The following RNF169 variants were observed in gnomAD, a reference collection of about 807,000 sequenced individuals.
RNF169 encodes ring finger protein 169.
RNF169 carries 24 observed loss-of-function variants against 53.9 expected under a neutral mutation model. The observed-to-expected ratio is 0.45, with a 90% CI of 0.32 to 0.63. RNF169 has a LOEUF of 0.63. Ranked by LOEUF, RNF169 falls within the 20% of genes least tolerant of loss-of-function variation. The pLI is 0.04. For missense variants in RNF169, 883 were observed against 906.2 expected, an observed-to-expected ratio of 0.97 and a Z score of 0.33; for synonymous variants, 396 against 363.5, an observed-to-expected ratio of 1.09 and a Z score of -1.02.
chr11:74,748,940 TCGGCGGGGC>T lies in RNF169; in HGVS notation c.72_80del (p.Arg25_Arg27del), dbSNP rs760743694. The T allele has an allele frequency of 4.9e-5, 72 of 1,470,906 alleles. No individual in the cohort carries two copies. The highest frequency in any genetic ancestry group is 1.0e-4 in the South Asian group (8 of 76,344). 91.1% of individuals were successfully genotyped at this position (1,470,906 alleles called of 1,614,324 possible). A position where few individuals can be genotyped will look rare whatever the true frequency, so the allele number is the denominator to read the frequency against. ...CCGCGGCGGCAGCAGCCGCTCTGAG[TCGGCGGGGC>T]CGGCGGGGCCGCTGTGACGAGACGG... On this transcript the variant is annotated inframe_deletion, in exon 1 of 6. Coordinates refer to ENST00000299563, the MANE Select transcript of RNF169 (RefSeq NM_001098638.2).
intron 1 of RNF169, among the ~76,000 whole-genome samples, chr11:74,754,290 CA>C (rs2034946149): frequency 2.0e-5 from 3 of 152,274 alleles, no homozygotes; most frequent in Admixed American, 2.0e-4. Context: ...CACACTTAAG[CA>C]TCATTTAAAA....
At chr11:74,773,191 G>GGAT (rs1446353601) in intron 1 of RNF169, among the ~76,000 whole-genome samples, 1 of 152,112 alleles carries the variant, frequency 6.6e-6, no homozygotes, top group Non-Finnish European at 1.5e-5. Flanking sequence ...ACCTGGGGTA[G>GGAT]GATTGGCCTG....
rs2036312104 is a variant in RNF169, at chr11:74,839,492, C to T, written c.*2762C>T. 6.6e-6 allele frequency: 1 copy of T among 152,148 alleles called. No individual in the cohort carries two copies. The highest frequency in any genetic ancestry group is 1.5e-5 in the Non-Finnish European group (1 of 68,016). The allele number at this position is 152,148 out of a possible 1,614,324, so 9.4% of individuals were successfully genotyped here. A position where few individuals can be genotyped will look rare whatever the true frequency, so the allele number is the denominator to read the frequency against. On this transcript the variant is annotated 3_prime_UTR_variant, in exon 6 of 6. Transcript: ENST00000299563. ...GAAAAGGACAAGGAAGGAAACAGAA[C>T]GATGGGAAGGGTTTGTGAGCTAGAA... is the stretch of plus-strand genomic sequence containing the variant.
intron 1 of RNF169, among the ~76,000 whole-genome samples, chr11:74,785,157 T>TTA (rs555175423): frequency 4.2e-4 from 57 of 136,348 alleles, no homozygotes; most frequent in East Asian, 2.4e-3. Flanking sequence ...ACATGTATTT[T>TTA]TATATATATA....
At chr11:74,785,173 GA>G (rs1565176435) in intron 1 of RNF169, among the ~76,000 whole-genome samples, 111 of 62,758 alleles carry the variant, frequency 1.8e-3, no homozygotes, top group African/African-American at 0.017. Flanking sequence ...ATATATATAT[GA>G]TATATATATA....
chr11:74,822,315 T>C (rs1321521631), intron 4 of RNF169, among the ~76,000 whole-genome samples: 3 of 152,200 alleles, frequency 2.0e-5, no homozygotes, highest in Non-Finnish European at 4.4e-5. Context: ...TCTTCTAGCT[T>C]TCCAGCTGCA....
intron 5 of RNF169, among the ~76,000 whole-genome samples, chr11:74,835,217 C>T (rs2036235488): frequency 6.6e-6 from 1 of 152,144 alleles, no homozygotes; most frequent in African/African-American, 2.4e-5. Context: ...AGTAATACAC[C>T]TGTCTCAGCT....
chr11:74,771,129 T>C (rs2035254198), intron 1 of RNF169, among the ~76,000 whole-genome samples: 1 of 152,090 alleles, frequency 6.6e-6, no homozygotes, highest in Non-Finnish European at 1.5e-5. Flanking sequence ...TTTTGATACT[T>C]AGTCATACTA....
Position 74,836,500 on chromosome 11 carries a change from C to A in RNF169, c.1897C>A (p.Gln633Lys), listed in dbSNP as rs2036259353. The stretch of plus-strand genomic sequence containing the variant: ...ACACTGCAAGACCAAGCACTTAGAA[C>A]AAAATGGCTCCCTTAAAAAACTGCG... ...KRHCKTKHLE[Q>K]NGSLKKLRQT... is the part of the protein sequence containing the mutation. The change falls in exon 6 of 6, where the codon CAA becomes AAA. Residue 633 changes from glutamine to lysine, a missense_variant. Coordinates refer to ENST00000299563, the MANE Select transcript of RNF169 (RefSeq NM_001098638.2). The A allele has an allele frequency of 1.1e-5, 18 of 1,614,182 alleles. No individual in the cohort carries two copies. The highest frequency in any genetic ancestry group is 1.5e-5 in the Non-Finnish European group (18 of 1,180,050).
chr11:74,824,432 G>C (rs1259205746), intron 4 of RNF169, among the ~76,000 whole-genome samples: 3 of 152,098 alleles, frequency 2.0e-5, no homozygotes, highest in Admixed American at 2.0e-4. Flanking sequence ...GAGAGAGAAA[G>C]GGGCAGAAAG....
At chr11:74,835,439 C>T in intron 5 of RNF169, 107 bp from the exon 6 acceptor site, 1 of 822,524 alleles carries the variant, frequency 1.2e-6, no homozygotes, top group Non-Finnish European at 2.0e-6. Context: ...CCCTTCATCC[C>T]TTTTCTTGTC....
At position 74,838,892 on chromosome 11, in the gene RNF169, T is replaced by G. The variant is rs2036296924; in HGVS notation, c.*2162T>G. 6.6e-6 allele frequency: 1 copy of G among 152,214 alleles called. No homozygotes were observed. Among genetic ancestry groups the G allele is most frequent in the South Asian group, 2.1e-4 (1 of 4,832 alleles). 9.4% of individuals were successfully genotyped at this position (152,214 alleles called of 1,614,324 possible). ...TTAGTAAATATTATTGGAAGGCTAG[T>G]CTTGTTGGTAGGAGCAAAGACACTT... On this transcript the variant is annotated 3_prime_UTR_variant, in exon 6 of 6. Transcript: ENST00000299563.
chr11:74,777,150 G>C (rs747691287), intron 1 of RNF169, among the ~76,000 whole-genome samples: 1 of 152,206 alleles, frequency 6.6e-6, no homozygotes, highest in Non-Finnish European at 1.5e-5. Context: ...CAACTGTGTT[G>C]AGGTAAGTGC....
chr11:74,782,742 G>C (rs752426632), intron 1 of RNF169, among the ~76,000 whole-genome samples: 1 of 151,940 alleles, frequency 6.6e-6, no homozygotes, highest in Admixed American at 6.6e-5. Flanking sequence ...TAACATATTA[G>C]TATAACTATA....
chr11:74,753,061 C>G (rs927555643), intron 1 of RNF169, among the ~76,000 whole-genome samples: 1 of 152,160 alleles, frequency 6.6e-6, no homozygotes, highest in Non-Finnish European at 1.5e-5. Flanking sequence ...CTCCGCCTCA[C>G]CGGTTCAAGC....
At chr11:74,825,638 A>G (rs2036083465) in intron 4 of RNF169, among the ~76,000 whole-genome samples, 1 of 152,232 alleles carries the variant, frequency 6.6e-6, no homozygotes, top group Non-Finnish European at 1.5e-5. Flanking sequence ...ACTCCTCCCT[A>G]ACTCATTCTA....
At chr11:74,804,099 G>A (rs934016375) in intron 2 of RNF169, among the ~76,000 whole-genome samples, 4 of 152,114 alleles carry the variant, frequency 2.6e-5, no homozygotes, top group African/African-American at 9.7e-5. Context: ...ATATCTGTGT[G>A]GGTTTTTTCT....
intron 1 of RNF169, among the ~76,000 whole-genome samples, chr11:74,772,414 A>C (rs775456014): frequency 6.6e-6 from 1 of 151,702 alleles, no homozygotes; most frequent in South Asian, 2.1e-4. Context: ...GGAAACCCCT[A>C]GCACAGTACT....
chr11:74,753,921 G>A (rs542317689), intron 1 of RNF169, among the ~76,000 whole-genome samples: 135 of 152,088 alleles, frequency 8.9e-4, no homozygotes, highest in African/African-American at 2.9e-3. Flanking sequence ...ATGCATTCAC[G>A]GTTTGCTTTT....
Sources: allele counts gnomAD v4.1 joint callset (sites outside exome capture counted in the v4.1 genomes callset), GRCh38; gene constraint gnomAD v4.1.1; transcripts MANE v1.5; gene names NCBI Gene and HGNC (gene_info 2026-07-23, HGNC 2026-07-21).